NPLOC4: variants seen among roughly 807,000 people sequenced by gnomAD.
NPLOC4 encodes the protein nuclear protein localization protein 4 homolog.
In NPLOC4, 18 loss-of-function variants were observed where a neutral mutation model predicts 80.6. The observed-to-expected ratio is 0.22, with a 90% CI of 0.15 to 0.33. The LOEUF is 0.33. Ranked by LOEUF, NPLOC4 falls within the 10% of genes least tolerant of loss-of-function variation. NPLOC4 has a pLI of 1.00. For missense variants in NPLOC4, 540 were observed against 786.1 expected, an observed-to-expected ratio of 0.69 and a Z score of 3.74; for synonymous variants, 313 against 301.5, an observed-to-expected ratio of 1.04 and a Z score of -0.39.
chr17:81,595,840 G>A (rs530731883), intron 11 of NPLOC4, among the ~76,000 whole-genome samples: 5 of 152,180 alleles, frequency 3.3e-5, no homozygotes, highest in South Asian at 2.1e-4. Flanking sequence ...CACCACGCCC[G>A]GCCAAAAAAG....
intron 12 of NPLOC4, among the ~76,000 whole-genome samples, chr17:81,578,021 T>C (rs1158199607): frequency 1.3e-5 from 2 of 152,208 alleles, no homozygotes; most frequent in Non-Finnish European, 2.9e-5. Context: ...CTGCCTCTCC[T>C]ACCTGGATTT....
intron 3 of NPLOC4, among the ~76,000 whole-genome samples, chr17:81,618,499 C>A (rs1221742082): frequency 2.2e-5 from 3 of 139,504 alleles, no homozygotes. Flanking sequence ...GGGTCAGCGA[C>A]CCCGCCCGGC....
intron 2 of NPLOC4, among the ~76,000 whole-genome samples, chr17:81,624,347 G>A (rs2035742875): frequency 6.6e-6 from 1 of 152,132 alleles, no homozygotes; most frequent in Admixed American, 6.6e-5. Context: ...GAAACCAGAA[G>A]GCAGAGGTTG....
chr17:81,598,368 G>GT (rs2034976984), intron 9 of NPLOC4, among the ~76,000 whole-genome samples: 1 of 152,148 alleles, frequency 6.6e-6, no homozygotes, highest in South Asian at 2.1e-4. Context: ...AGACACAGCA[G>GT]TGAGTGAGAC....
chr17:81,626,244 A>T (rs2035791966), intron 2 of NPLOC4, among the ~76,000 whole-genome samples: 1 of 151,494 alleles, frequency 6.6e-6, no homozygotes. Context: ...TGAACCCCGG[A>T]GGCGGAGGTT....
chr17:81,584,805 TAA>T (rs2034531245), intron 12 of NPLOC4, among the ~76,000 whole-genome samples: 2 of 152,164 alleles, frequency 1.3e-5, no homozygotes, highest in African/African-American at 4.8e-5. Flanking sequence ...TACCTAGGAA[TAA>T]CCTAACAAAT....
intron 12 of NPLOC4, among the ~76,000 whole-genome samples, chr17:81,582,653 T>C (rs1283462662): frequency 1.3e-5 from 2 of 152,346 alleles, no homozygotes; most frequent in East Asian, 3.9e-4. Flanking sequence ...TTCTCCCACC[T>C]TGGCCTTCCA....
chr17:81,614,870 A>T (rs1286905656), intron 3 of NPLOC4, among the ~76,000 whole-genome samples: 1 of 152,150 alleles, frequency 6.6e-6, no homozygotes, highest in East Asian at 1.9e-4. Flanking sequence ...ACAGATATCT[A>T]ACTGCTGCCA....
In NPLOC4 at chr17:81,624,414, G is replaced by A. The variant is rs577416084; in HGVS notation, c.97-2136C>T. Among the ~76,000 whole-genome samples the A allele has an allele frequency of 7.2e-5, 11 of 151,994 alleles. No individual in the cohort carries two copies. In the East Asian group the frequency reaches 1.7e-3, roughly 24 times the overall value. ...GCCTGGGCGACAAGAGTGAAACTCC[G>A]TCTCAAAAAAACAAAAACAAAAACA... On this transcript the variant is annotated intron_variant, in intron 2 of 16. Coordinates refer to ENST00000331134, the MANE Select transcript of NPLOC4 (RefSeq NM_017921.4).
chr17:81,597,557 G>A (rs2034946980), intron 9 of NPLOC4, among the ~76,000 whole-genome samples: 2 of 152,140 alleles, frequency 1.3e-5, no homozygotes, highest in African/African-American at 4.8e-5. Flanking sequence ...GGCCGAGGCG[G>A]GTGGATCACC....
intron 3 of NPLOC4, among the ~76,000 whole-genome samples, chr17:81,618,082 G>A (rs1232883235): frequency 3.9e-5 from 6 of 151,972 alleles, no homozygotes; most frequent in Admixed American, 6.5e-5. Flanking sequence ...CCGCCACCCC[G>A]TCTGGGAAGT....
intron 3 of NPLOC4, among the ~76,000 whole-genome samples, chr17:81,615,930 C>T (rs1333454737): frequency 1.3e-5 from 2 of 152,210 alleles, no homozygotes; most frequent in Admixed American, 1.3e-4. Flanking sequence ...CCATTTGGTT[C>T]AGAAAGCCCA....
rs2036095230 is a variant in NPLOC4, at chr17:81,636,902, G to A, written c.15+14C>T. The stretch of plus-strand genomic sequence containing the variant: ...ATCCCGGCGTCCCCGCTCCCGCCCG[G>A]CCGCCGCACTCACGATGCTCTCGGC... On this transcript the variant is annotated intron_variant, in intron 1 of 16. Transcript: ENST00000331134. 7.1e-7 allele frequency: 1 copy of A among 1,409,030 alleles called. No homozygotes were observed. The highest frequency in any genetic ancestry group is 9.3e-7 in the Non-Finnish European group (1 of 1,077,310). The allele number at this position is 1,409,030 out of a possible 1,614,324, so 87.3% of individuals were successfully genotyped here.
intron 12 of NPLOC4, among the ~76,000 whole-genome samples, chr17:81,578,006 G>A (rs955505682): frequency 2.0e-5 from 3 of 152,140 alleles, no homozygotes; most frequent in Non-Finnish European, 2.9e-5. Context: ...GTCAGCACCT[G>A]TCCACTGCCT....
At chr17:81,597,357 T>C (rs746026283) in intron 9 of NPLOC4, 41 bp from the exon 10 acceptor site, 75 of 1,513,434 alleles carry the variant, frequency 5.0e-5, no homozygotes, top group Non-Finnish European at 5.3e-5. Flanking sequence ...CTCCTCAAGA[T>C]AGACGATGAA....
chr17:81,568,917 G>A (rs1053542480), intron 14 of NPLOC4, 99 bp downstream of exon 14: 6 of 813,790 alleles, frequency 7.4e-6, no homozygotes, highest in African/African-American at 3.4e-5. Flanking sequence ...AATGAATCGG[G>A]AGCATTTGAA....
chr17:81,604,473 A>G, intron 8 of NPLOC4, 75 bp downstream of exon 8: 3 of 1,349,048 alleles, frequency 2.2e-6, no homozygotes, highest in Non-Finnish European at 3.1e-6. Context: ...CGAACAGGGC[A>G]AGGCCTCTCC....
intron 12 of NPLOC4, among the ~76,000 whole-genome samples, chr17:81,587,517 G>A (rs1276445259): frequency 1.3e-5 from 2 of 149,282 alleles, no homozygotes; most frequent in East Asian, 2.0e-4. Context: ...GGGTTTCACC[G>A]TGTTAGCCAG....
chr17:81,598,002 G>A (rs923133353), intron 9 of NPLOC4, among the ~76,000 whole-genome samples: 5 of 150,758 alleles, frequency 3.3e-5, no homozygotes, highest in African/African-American at 1.2e-4. Flanking sequence ...GGCTGAGGCA[G>A]GAGAATGGTG....
Sources: gnomAD v4.1 joint callset for allele counts (sites outside exome capture counted in the v4.1 genomes callset) on GRCh38, gnomAD v4.1.1 for gene constraint, MANE v1.5 for transcripts, NCBI Gene and HGNC (gene_info 2026-07-23, HGNC 2026-07-21) for gene names.